UNC13C: variants seen among roughly 807,000 people sequenced by gnomAD.
The protein encoded by UNC13C is protein unc-13 homolog C.
UNC13C carries 174 observed loss-of-function variants against 245.4 expected under a neutral mutation model. That is an observed-to-expected ratio of 0.71 (90% CI 0.63 to 0.80). UNC13C has a LOEUF of 0.80. UNC13C is among the 30% of genes least tolerant of loss of function. UNC13C has a pLI of 0.00. For missense variants in UNC13C, 2,829 were observed against 2,602.9 expected (o/e 1.09, Z -1.89); for synonymous variants, 992 against 895.1 (o/e 1.11, Z -1.93).
intron 17 of UNC13C, among the ~76,000 whole-genome samples, chr15:54,375,763 G>A (rs2039592681): frequency 6.6e-6 from 1 of 152,156 alleles, no homozygotes; most frequent in Admixed American, 6.6e-5. Flanking sequence ...TGAGGACCCT[G>A]AACTCAGATG....
In UNC13C at chr15:54,546,707, A is replaced by T. The variant is rs961588960; in HGVS notation, c.5697-15A>T. ...GAAATTTAAAAGTGAATATATATAT[A>T]TATTTTTTTTTCAGATTAAGTCTCT... On this transcript the variant is annotated splice_polypyrimidine_tract_variant and intron_variant, in intron 26 of 32. Coordinates refer to ENST00000260323, the MANE Select transcript of UNC13C (RefSeq NM_001080534.3). 1 of 1,435,288 alleles carries T rather than the reference A, an allele frequency of 7.0e-7. No individual in the cohort carries two copies. The highest frequency in any genetic ancestry group is 9.3e-7 in the Non-Finnish European group (1 of 1,080,868). 88.9% of individuals were successfully genotyped at this position (1,435,288 alleles called of 1,614,324 possible). A position where few individuals can be genotyped will look rare whatever the true frequency, so the allele number is the denominator to read the frequency against.
At chr15:54,372,631 T>C (rs2039514395) in intron 17 of UNC13C, among the ~76,000 whole-genome samples, 1 of 152,240 alleles carries the variant, frequency 6.6e-6, no homozygotes, top group Admixed American at 6.5e-5. Flanking sequence ...TAAATATGTT[T>C]TTCCATGTTA....
chr15:54,214,637 C>T (rs1193904208), intron 4 of UNC13C, among the ~76,000 whole-genome samples: 6 of 151,842 alleles, frequency 4.0e-5, no homozygotes, highest in African/African-American at 7.3e-5. Flanking sequence ...AGGAATAAAG[C>T]GTTTCAGCTT....
chr15:54,451,010 A>T (rs1457063339), intron 19 of UNC13C, among the ~76,000 whole-genome samples: 2 of 152,092 alleles, frequency 1.3e-5, no homozygotes, highest in Non-Finnish European at 2.9e-5. Flanking sequence ...TGTGTATAGT[A>T]TTTTTGGTGG....
At chr15:54,120,994 T>C (rs922151954) in intron 2 of UNC13C, among the ~76,000 whole-genome samples, 1 of 152,132 alleles carries the variant, frequency 6.6e-6, no homozygotes, top group African/African-American at 2.4e-5. Context: ...AAGATGTTAT[T>C]GAACATCGTT....
the UNC13C span, among the ~76,000 whole-genome samples, chr15:53,927,345 C>G: frequency 6.6e-6 from 1 of 152,020 alleles, no homozygotes; most frequent in Non-Finnish European, 1.5e-5. Context: ...AGGCTGTAGG[C>G]AAGGAGAACA....
chr15:54,079,475 C>A (rs1211516382), intron 2 of UNC13C, among the ~76,000 whole-genome samples: 1 of 151,916 alleles, frequency 6.6e-6, no homozygotes, highest in Non-Finnish European at 1.5e-5. Flanking sequence ...GTTTGTATCA[C>A]TTATGATTTC....
the UNC13C span, among the ~76,000 whole-genome samples, chr15:53,928,820 C>T: frequency 6.6e-6 from 1 of 152,114 alleles, no homozygotes; most frequent in African/African-American, 2.4e-5. Flanking sequence ...TCTTAACATA[C>T]AAAAGATTAT....
At chr15:54,471,953 C>A (rs1483055844) in intron 19 of UNC13C, among the ~76,000 whole-genome samples, 1 of 151,700 alleles carries the variant, frequency 6.6e-6, no homozygotes, top group East Asian at 1.9e-4. Flanking sequence ...AATCCACTTA[C>A]ATTTAAAACA....
chr15:54,128,183 A>G (rs139384314), intron 2 of UNC13C, among the ~76,000 whole-genome samples: 275 of 152,306 alleles, frequency 1.8e-3, no homozygotes, highest in Non-Finnish European at 3.4e-3. Flanking sequence ...AAAGAAAATG[A>G]AGTACTCATA....
the UNC13C span, among the ~76,000 whole-genome samples, chr15:53,967,054 GTACCC>G: frequency 6.6e-6 from 1 of 151,808 alleles, no homozygotes. Flanking sequence ...CCTGATCTGT[GTACCC>G]TCACCTCTAG....
At chr15:54,095,584 T>G (rs1049938961) in intron 2 of UNC13C, among the ~76,000 whole-genome samples, 7 of 152,172 alleles carry the variant, frequency 4.6e-5, no homozygotes, top group Non-Finnish European at 7.3e-5. Context: ...CCTGGTAGCT[T>G]GAAGAAATGC....
chr15:54,009,961 A>G (rs1484020983), intron 1 of UNC13C, among the ~76,000 whole-genome samples: 1 of 151,982 alleles, frequency 6.6e-6, no homozygotes, highest in Non-Finnish European at 1.5e-5. Flanking sequence ...CTACCTTCTG[A>G]TTGTATTTTG....
At chr15:54,315,010 G>A (rs561588644) in intron 13 of UNC13C, among the ~76,000 whole-genome samples, 1 of 151,806 alleles carries the variant, frequency 6.6e-6, no homozygotes, top group East Asian at 1.9e-4. Flanking sequence ...TGGCAGGAGT[G>A]TCCATTTTCA....
intron 31 of UNC13C, 66 bp from the exon 32 acceptor site, chr15:54,623,729 T>C: frequency 6.7e-7 from 1 of 1,485,238 alleles, no homozygotes; most frequent in East Asian, 2.4e-5. Context: ...CATAAATCAC[T>C]TTTAAAATTT....
chr15:54,074,032 AT>A (rs1898464552), intron 2 of UNC13C, among the ~76,000 whole-genome samples: 1 of 152,208 alleles, frequency 6.6e-6, no homozygotes. Flanking sequence ...TAAGTCTTCA[AT>A]CCATCTTGAG....
chr15:54,139,614 A>G (rs1267244891), intron 2 of UNC13C, among the ~76,000 whole-genome samples: 1 of 152,184 alleles, frequency 6.6e-6, no homozygotes, highest in Non-Finnish European at 1.5e-5. Flanking sequence ...CAGCCTTGGG[A>G]ATTATTTTTA....
intron 17 of UNC13C, among the ~76,000 whole-genome samples, chr15:54,381,465 G>A (rs1040776042): frequency 1.2e-4 from 18 of 151,934 alleles, no homozygotes; most frequent in African/African-American, 3.9e-4. Context: ...CAAATTTTAG[G>A]ATCGTTTTCT....
the UNC13C span, among the ~76,000 whole-genome samples, chr15:53,862,982 G>C: frequency 1.3e-5 from 2 of 152,094 alleles, no homozygotes; most frequent in African/African-American, 2.4e-5. Flanking sequence ...CAACTCTAAA[G>C]TCCAAAGTCT....
Sources: gnomAD v4.1 joint callset for allele counts (sites outside exome capture counted in the v4.1 genomes callset) on GRCh38, gnomAD v4.1.1 for gene constraint, MANE v1.5 for transcripts, NCBI Gene and HGNC (gene_info 2026-07-23, HGNC 2026-07-21) for gene names.